LRRC7: variants seen among roughly 807,000 people sequenced by gnomAD.
LRRC7 encodes the protein leucine-rich repeat-containing protein 7.
In LRRC7, 23 loss-of-function variants were observed where a neutral mutation model predicts 175.7. That is an observed-to-expected ratio of 0.13 (90% CI 0.09 to 0.19). The LOEUF (loss-of-function observed/expected upper bound fraction) is 0.19. Ranked by LOEUF, LRRC7 falls within the 10% of genes least tolerant of loss-of-function variation. The pLI is 1.00. For synonymous variants in LRRC7, 685 were observed against 680.9 expected, an observed-to-expected ratio of 1.01 and a Z score of -0.09; for missense variants, 1,354 against 1,904.7, an observed-to-expected ratio of 0.71 and a Z score of 5.38.
intron 21 of LRRC7, 117 bp from the exon 22 acceptor site, chr1:70,043,837 A>G (rs1360808637): frequency 8.1e-7 from 1 of 1,232,236 alleles, no homozygotes; most frequent in Non-Finnish European, 1.1e-6. Flanking sequence ...GTTTTTTTAA[A>G]AAGTTACTGT....
chr1:69,734,259 C>G (rs183637603), intron 2 of LRRC7, among the ~76,000 whole-genome samples: 215 of 151,974 alleles, frequency 1.4e-3, no homozygotes, highest in African/African-American at 4.5e-3. Context: ...CTTCAGTTAC[C>G]TCTATCTGAA....
intron 24 of LRRC7, among the ~76,000 whole-genome samples, chr1:70,077,039 TAGGCAAC>T (rs1227993900): frequency 3.3e-5 from 5 of 152,194 alleles, no homozygotes; most frequent in Admixed American, 2.6e-4. Context: ...TTCAGATAGA[TAGGCAAC>T]ATTCCTACTG....
At chr1:69,854,274 G>T (rs1683331227) in intron 7 of LRRC7, among the ~76,000 whole-genome samples, 1 of 152,118 alleles carries the variant, frequency 6.6e-6, no homozygotes, top group East Asian at 1.9e-4. Flanking sequence ...GAGGTGGGAA[G>T]ATCACTTCAG....
intron 2 of LRRC7, among the ~76,000 whole-genome samples, chr1:69,728,451 C>G (rs1333249141): frequency 6.6e-6 from 1 of 152,170 alleles, no homozygotes; most frequent in Non-Finnish European, 1.5e-5. Context: ...AAGGATAAAG[C>G]TATCCTGCAG....
intron 1 of LRRC7, among the ~76,000 whole-genome samples, chr1:69,572,129 A>C (rs1162334605): frequency 6.6e-6 from 1 of 152,142 alleles, no homozygotes; most frequent in Non-Finnish European, 1.5e-5. Flanking sequence ...CCGAGTTACC[A>C]TTAACTAATT....
Position 70,141,155 on chromosome 1 carries a change from A to G in LRRC7, c.*19268A>G, listed in dbSNP as rs779649238. Among the ~76,000 whole-genome samples, 9 of 152,158 alleles carry G rather than the reference A, an allele frequency of 5.9e-5. No homozygotes were observed. Among genetic ancestry groups the G allele is most frequent in the Non-Finnish European group, 1.3e-4 (9 of 68,012 alleles). On this transcript the variant is annotated 3_prime_UTR_variant, in exon 27 of 27. Coordinates refer to ENST00000651989, the MANE Select transcript of LRRC7 (RefSeq NM_001370785.2). Reference sequence around the variant, plus strand: ...TAACAAAAGATGTAGATAAGAGGACATTGTTAACTGGTGGCTGCAAATGAG... The same window carrying G: ...TAACAAAAGATGTAGATAAGAGGACGTTGTTAACTGGTGGCTGCAAATGAG...
intron 1 of LRRC7, among the ~76,000 whole-genome samples, chr1:69,642,900 T>C (rs1334738058): frequency 6.6e-6 from 1 of 152,000 alleles, no homozygotes; most frequent in East Asian, 1.9e-4. Flanking sequence ...AAATGGCTAA[T>C]GTAATTATGA....
intron 3 of LRRC7, among the ~76,000 whole-genome samples, chr1:69,790,462 T>A (rs75957570): frequency 0.041 from 6,181 of 152,118 alleles, 420 homozygotes; most frequent in African/African-American, 0.14. Context: ...GAAAAATTTA[T>A]AAAACAAACA....
In LRRC7 at chr1:70,125,267, G is replaced by A. The variant is rs1272740501; in HGVS notation, c.*3380G>A. Among the ~76,000 whole-genome samples, 1 of 152,168 alleles carries A rather than the reference G, an allele frequency of 6.6e-6. No individual in the cohort carries two copies. Among genetic ancestry groups the A allele is most frequent in the Non-Finnish European group, 1.5e-5 (1 of 68,034 alleles). On this transcript the variant is annotated 3_prime_UTR_variant, in exon 27 of 27. Transcript: ENST00000651989. The stretch of plus-strand genomic sequence containing the variant: ...GTAATTGCGGTTTTTACCATTAAAA[G>A]TGCAGGCAAAAACCACAATTACTTT...
chr1:70,051,613 A>T (rs939266568), intron 22 of LRRC7, among the ~76,000 whole-genome samples: 10 of 151,926 alleles, frequency 6.6e-5, no homozygotes, highest in Non-Finnish European at 1.3e-4. Flanking sequence ...AACACACACC[A>T]ATTCATTCCT....
At chr1:69,611,463 C>G (rs1648722126) in intron 1 of LRRC7, among the ~76,000 whole-genome samples, 1 of 152,124 alleles carries the variant, frequency 6.6e-6, no homozygotes, top group East Asian at 1.9e-4. Flanking sequence ...AGTACCGAGT[C>G]ATTGCTCTTA....
chr1:69,903,484 G>A (rs1369093505), intron 7 of LRRC7, among the ~76,000 whole-genome samples: 4 of 152,118 alleles, frequency 2.6e-5, no homozygotes, highest in Non-Finnish European at 5.9e-5. Context: ...ACAACCCACA[G>A]ACCAGTAGAT....
At chr1:70,060,493 T>C (rs1051603047) in intron 23 of LRRC7, among the ~76,000 whole-genome samples, 9 of 152,188 alleles carry the variant, frequency 5.9e-5, no homozygotes, top group African/African-American at 2.2e-4. Context: ...GGCATTGTGC[T>C]GTTGAGGTCC....
chr1:69,694,152 A>G (rs1285839789), intron 2 of LRRC7, among the ~76,000 whole-genome samples: 2 of 152,134 alleles, frequency 1.3e-5, no homozygotes, highest in Admixed American at 6.6e-5. Flanking sequence ...GCCTCTTGTA[A>G]CTTGCCTCAT....
intron 2 of LRRC7, among the ~76,000 whole-genome samples, chr1:69,726,741 A>G (rs1283891569): frequency 6.6e-6 from 1 of 152,112 alleles, no homozygotes; most frequent in African/African-American, 2.4e-5. Flanking sequence ...AAATTTGAAA[A>G]TGTAAGAGGG....
intron 24 of LRRC7, among the ~76,000 whole-genome samples, chr1:70,077,206 A>T (rs373318797): frequency 2.0e-5 from 3 of 152,096 alleles, no homozygotes; most frequent in Admixed American, 1.3e-4. Flanking sequence ...GCCATTTATC[A>T]TTTGGATTCC....
At chr1:69,905,654 T>A (rs1646281342) in intron 7 of LRRC7, among the ~76,000 whole-genome samples, 1 of 152,190 alleles carries the variant, frequency 6.6e-6, no homozygotes, top group South Asian at 2.1e-4. Context: ...ATCCAGTCTA[T>A]CATTGTTGGA....
At position 69,600,114 on chromosome 1, in the gene LRRC7, T is replaced by C. The variant is rs759530711; in HGVS notation, c.2+31473T>C. Among the ~76,000 whole-genome samples the C allele has an allele frequency of 8.1e-4, 123 of 152,296 alleles. 1 individual carries two copies. Among genetic ancestry groups the C allele is most frequent in the Admixed American group, 1.8e-3 (28 of 15,282 alleles). On this transcript the variant is annotated intron_variant, in intron 1 of 26. Coordinates refer to ENST00000651989, the MANE Select transcript of LRRC7 (RefSeq NM_001370785.2). ...TTTTATTTTAAAATACATTTAGATTTATAGAAAAATTGCAAAGATATTACA... is the reference window on the plus strand; with the variant it reads ...TTTTATTTTAAAATACATTTAGATTCATAGAAAAATTGCAAAGATATTACA...
At position 69,871,092 on chromosome 1, in the gene LRRC7, T is replaced by C. The variant is rs115041987; in HGVS notation, c.647+32809T>C. 4.6e-3 allele frequency among the ~76,000 whole-genome samples: 693 copies of C among 152,208 alleles called. 6 individuals are homozygous for C. Among genetic ancestry groups the C allele is most frequent in the African/African-American group, 0.015 (625 of 41,552 alleles). On this transcript the variant is annotated intron_variant, in intron 7 of 26. Transcript: ENST00000651989. ...TGTTATACCACAAATGATGCATAAA[T>C]TGGGAAAGTTTATACAATGTATTTT... is the stretch of plus-strand genomic sequence containing the variant.
Sources: gnomAD v4.1 joint callset for allele counts (sites outside exome capture counted in the v4.1 genomes callset) on GRCh38, gnomAD v4.1.1 for gene constraint, MANE v1.5 for transcripts, NCBI Gene and HGNC (gene_info 2026-07-23, HGNC 2026-07-21) for gene names.